EBF1: variants seen among roughly 807,000 people sequenced by gnomAD.
EBF1 encodes the protein EBF transcription factor 1.
A neutral mutation model predicts 68.4 loss-of-function variants in EBF1; 10 were observed. The observed-to-expected ratio is 0.15, with a 90% CI of 0.09 to 0.25. EBF1 has a LOEUF of 0.25. Ranked by LOEUF, EBF1 falls within the 10% of genes least tolerant of loss-of-function variation. EBF1 has a pLI of 1.00. For synonymous variants in EBF1, 298 were observed against 299.8 expected (o/e 0.99, Z 0.06); for missense variants, 509 against 794.4 (o/e 0.64, Z 4.32).
chr5:158,780,308 C>T (rs950282280), intron 9 of EBF1, among the ~76,000 whole-genome samples: 2 of 149,872 alleles, frequency 1.3e-5, no homozygotes, highest in South Asian at 2.1e-4. Flanking sequence ...TGTAGAACTC[C>T]GGACCCACAA....
intron 6 of EBF1, among the ~76,000 whole-genome samples, chr5:158,969,432 G>C (rs1002309114): frequency 6.6e-6 from 1 of 151,968 alleles, no homozygotes; most frequent in Non-Finnish European, 1.5e-5. Flanking sequence ...AATGGGCAAA[G>C]TCAAGGAGAA....
At chr5:158,831,675 T>C (rs968282698) in intron 7 of EBF1, among the ~76,000 whole-genome samples, 2 of 152,210 alleles carry the variant, frequency 1.3e-5, no homozygotes, top group African/African-American at 4.8e-5. Context: ...TTATTTTTTG[T>C]ATTTTTAGAA....
intron 6 of EBF1, among the ~76,000 whole-genome samples, chr5:158,877,322 G>GACAGCC (rs1264243350): frequency 1.1e-4 from 17 of 151,978 alleles, no homozygotes; most frequent in African/African-American, 4.1e-4. Flanking sequence ...TCCTTATTTC[G>GACAGCC]ACAGCCATGT....
At position 158,697,758 on chromosome 5, in the gene EBF1, A is replaced by C. The variant is rs940994030; in HGVS notation, c.*1353T>G. 14 of 204,512 alleles carry C rather than the reference A, an allele frequency of 6.8e-5. No individual in the cohort carries two copies. Among genetic ancestry groups the C allele is most frequent in the South Asian group, 1.9e-4 (1 of 5,288 alleles). The allele number at this position is 204,512 out of a possible 1,614,324, so 12.7% of individuals were successfully genotyped here. A position where few individuals can be genotyped will look rare whatever the true frequency, so the allele number is the denominator to read the frequency against. On this transcript the variant is annotated 3_prime_UTR_variant, in exon 16 of 16. Transcript: ENST00000313708. ...ACAACAACTTTGGCAAAAAATCACA[A>C]AAAAAAAATCTACAGTATTTATAAC... is the stretch of plus-strand genomic sequence containing the variant.
At chr5:158,920,444 T>G (rs943225444) in intron 6 of EBF1, among the ~76,000 whole-genome samples, 2 of 152,234 alleles carry the variant, frequency 1.3e-5, no homozygotes, top group Non-Finnish European at 2.9e-5. Flanking sequence ...GAAAAGAATA[T>G]GTCGTTCCCT....
chr5:158,763,429 G>A (rs538092381), intron 10 of EBF1, among the ~76,000 whole-genome samples: 53 of 152,266 alleles, frequency 3.5e-4, no homozygotes, highest in Non-Finnish European at 4.6e-4. Flanking sequence ...TTTAAATTGC[G>A]TAACTCCACT....
At chr5:158,974,583 T>A (rs1224401534) in intron 6 of EBF1, among the ~76,000 whole-genome samples, 4 of 152,196 alleles carry the variant, frequency 2.6e-5, no homozygotes, top group Admixed American at 2.6e-4. Context: ...TGATAGGCAA[T>A]AATGGCTCTT....
chr5:158,703,842 C>G (rs1244453146), intron 15 of EBF1, among the ~76,000 whole-genome samples: 2 of 152,172 alleles, frequency 1.3e-5, no homozygotes, highest in African/African-American at 4.8e-5. Context: ...TGAGCCTGTT[C>G]TGAATTCTCC....
At chr5:159,077,842 G>A (rs924320046) in intron 5 of EBF1, among the ~76,000 whole-genome samples, 12 of 142,034 alleles carry the variant, frequency 8.4e-5, no homozygotes, top group Admixed American at 6.6e-4. Context: ...GGGCTCAAGC[G>A]ATCCTCCCAC....
chr5:158,912,462 C>A (rs1562282653), intron 6 of EBF1, among the ~76,000 whole-genome samples: 1 of 152,092 alleles, frequency 6.6e-6, no homozygotes, highest in East Asian at 1.9e-4. Flanking sequence ...ACGGTGTACC[C>A]GTCCCTTCTA....
chr5:159,000,078 A>T (rs949816180), intron 6 of EBF1, among the ~76,000 whole-genome samples: 1 of 152,202 alleles, frequency 6.6e-6, no homozygotes, highest in East Asian at 1.9e-4. Flanking sequence ...AAAAGCAATG[A>T]TAGATGAAGC....
At chr5:158,796,312 G>GATA in intron 9 of EBF1, 33 bp downstream of exon 9, 1 of 1,588,446 alleles carries the variant, frequency 6.3e-7, no homozygotes, top group Non-Finnish European at 8.6e-7. Flanking sequence ...ACTAGATCAA[G>GATA]CTATTAGATA....
intron 6 of EBF1, among the ~76,000 whole-genome samples, chr5:158,907,436 G>A (rs986311379): frequency 5.3e-5 from 8 of 152,174 alleles, no homozygotes; most frequent in African/African-American, 1.7e-4. Context: ...GAAAATAGGT[G>A]TGTATCTTAG....
In EBF1 at chr5:159,022,836, GA is replaced by G. The variant is rs200254651; in HGVS notation, c.554+50559del. On this transcript the variant is annotated intron_variant, in intron 6 of 15. Coordinates refer to ENST00000313708, the MANE Select transcript of EBF1 (RefSeq NM_024007.5). ...ACAGATGGACAGAGAGGAAAAAAAA[GA>G]AAAAATGCAAGAAGAGCCTTCAATG... Among the ~76,000 whole-genome samples the G allele has an allele frequency of 7.0e-3, 1,065 of 151,924 alleles. 6 individuals carry two copies. The highest frequency in any genetic ancestry group is 0.02 in the Middle Eastern group (6 of 294).
At chr5:158,958,443 G>C (rs921955950) in intron 6 of EBF1, among the ~76,000 whole-genome samples, 9 of 152,072 alleles carry the variant, frequency 5.9e-5, no homozygotes, top group Admixed American at 1.3e-4. Flanking sequence ...TCCGATCACA[G>C]AGTTCAGTTC....
At chr5:158,717,593 G>A (rs1761021582) in intron 11 of EBF1, among the ~76,000 whole-genome samples, 1 of 151,432 alleles carries the variant, frequency 6.6e-6, no homozygotes, top group Non-Finnish European at 1.5e-5. Context: ...CATAAGAGTG[G>A]ATATTAGACA....
chr5:158,758,705 A>C lies in EBF1; in HGVS notation c.1036+18708T>G, dbSNP rs558307486. 2.1e-3 allele frequency among the ~76,000 whole-genome samples: 326 copies of C among 152,264 alleles called. 3 individuals are homozygous for C. Among genetic ancestry groups the C allele is most frequent in the African/African-American group, 7.6e-3 (317 of 41,578 alleles). On this transcript the variant is annotated intron_variant, in intron 10 of 15. Transcript: ENST00000313708. ...ATTAAAAGACAGAAGCAAATTATAC[A>C]ATATATATTTATTCAAACTGAGATG...
chr5:158,956,754 CTT>C (rs397883009), intron 6 of EBF1, among the ~76,000 whole-genome samples: 1 of 112,836 alleles, frequency 8.9e-6, no homozygotes. Context: ...ACCAACACTT[CTT>C]TTTTTTTTTT....
chr5:158,804,628 G>A (rs1233509876), intron 8 of EBF1, among the ~76,000 whole-genome samples: 1 of 152,040 alleles, frequency 6.6e-6, no homozygotes, highest in Non-Finnish European at 1.5e-5. Context: ...ACTTGTTGAA[G>A]GCTTTTTGAT....
Sources: gnomAD v4.1 joint callset for allele counts (sites outside exome capture counted in the v4.1 genomes callset) on GRCh38, gnomAD v4.1.1 for gene constraint, MANE v1.5 for transcripts, NCBI Gene and HGNC (gene_info 2026-07-23, HGNC 2026-07-21) for gene names.